The following DYRK4 variants were observed in gnomAD, a reference collection of about 807,000 sequenced individuals.
DYRK4 encodes the protein dual specificity tyrosine phosphorylation regulated kinase 4.
A neutral mutation model predicts 68.3 loss-of-function variants in DYRK4; 64 were observed. The ratio of observed to expected loss-of-function variants is 0.94; its 90% CI spans 0.77 to 1.15. The LOEUF is 1.15. Ranked by LOEUF, DYRK4 falls within the 50% of genes most tolerant of loss-of-function variation. The pLI is 0.00. For synonymous variants in DYRK4, 274 were observed against 289.9 expected, an observed-to-expected ratio of 0.95 and a Z score of 0.56; for missense variants, 740 against 764.7, an observed-to-expected ratio of 0.97 and a Z score of 0.38.
At chr12:4,585,667 T>C (rs1245229409) in intron 2 of DYRK4, among the ~76,000 whole-genome samples, 14 of 152,128 alleles carry the variant, frequency 9.2e-5, no homozygotes, top group African/African-American at 2.4e-5. Flanking sequence ...TTAGGAGATA[T>C]ACCTAATGTA....
intron 11 of DYRK4, 59 bp downstream of exon 11, chr12:4,605,145 G>C (rs12318978): frequency 3.7e-5 from 56 of 1,511,626 alleles, no homozygotes; most frequent in South Asian, 3.6e-4. Flanking sequence ...CCTCAGACAC[G>C]GGGCTGCACC....
chr12:4,566,967 T>C (rs528084208), intron 1 of DYRK4, among the ~76,000 whole-genome samples: 2 of 152,370 alleles, frequency 1.3e-5, no homozygotes, highest in Admixed American at 6.5e-5. Context: ...ATTACACACA[T>C]GTTCTACTGT....
At chr12:4,578,316 A>ATCTCTCTGTGCTGT (rs772934966) in intron 2 of DYRK4, among the ~76,000 whole-genome samples, 20,738 of 152,124 alleles carry the variant, frequency 0.14, 3,230 homozygotes, top group African/African-American at 0.38. Context: ...CTTTGAAGAA[A>ATCTCTCTGTGCTGT]TTGCTGGTTA....
At chr12:4,605,728 G>GTTT (rs780888385) in intron 11 of DYRK4, among the ~76,000 whole-genome samples, 8,293 of 68,324 alleles carry the variant, frequency 0.12, 598 homozygotes, top group South Asian at 0.18. Flanking sequence ...AATAGAGCTG[G>GTTT]GTTTTTTTTT....
At chr12:4,576,590 C>T (rs1219978474) in intron 2 of DYRK4, among the ~76,000 whole-genome samples, 1 of 152,304 alleles carries the variant, frequency 6.6e-6, no homozygotes, top group South Asian at 2.1e-4. Context: ...GAAACTGCTA[C>T]ACTGTCTTCC....
In DYRK4 at chr12:4,612,679, AAGG is replaced by A; in HGVS notation, c.1629_1631del (p.Lys543_Asp544delinsAsn). Reference sequence around the variant, plus strand: ...TTCCTTTTTCCCCTCTGAGACAAGGAAGGACAAGGTTCAAGGCTGTCATCACTC... The same window carrying A: ...TTCCTTTTTCCCCTCTGAGACAAGGAACAAGGTTCAAGGCTGTCATCACTC... On this transcript the variant is annotated inframe_deletion, in exon 14 of 15. Transcript: ENST00000543431. 6.2e-7 allele frequency: 1 copy of A among 1,614,184 alleles called. No individual in the cohort carries two copies. The highest frequency in any genetic ancestry group is 8.5e-7 in the Non-Finnish European group (1 of 1,180,016).
intron 2 of DYRK4, among the ~76,000 whole-genome samples, chr12:4,573,981 T>C (rs917259084): frequency 2.0e-5 from 3 of 152,052 alleles, no homozygotes; most frequent in African/African-American, 7.2e-5. Flanking sequence ...ATTCCAGCAC[T>C]TTGGGAGGCC....
Position 4,610,205 on chromosome 12 carries a change from T to C in DYRK4, c.1411T>C (p.Tyr471His). The C allele has an allele frequency of 1.9e-6, 3 of 1,603,008 alleles. No individual in the cohort carries two copies. The highest frequency in any genetic ancestry group is 2.6e-6 in the Non-Finnish European group (3 of 1,175,702). ...AACCAACAACAGGGGGAAAAAAAGA[T>C]ACCCAGATTCCAAGGACCTCACGAT... ...NITNNRGKKR[Y>H]PDSKDLTMVL... The change falls in exon 13 of 15, where the codon TAC (tyrosine) becomes CAC (histidine). Residue 471 changes from tyrosine (Y) to histidine (H), a missense_variant. By Grantham distance (83) the Tyr-to-His change is moderately conservative (BLOSUM62 2). Around this residue, in one of 3 missense-constraint regions of DYRK4, gnomAD observed 614 missense variants for 603.7 expected, o/e 1.02. Transcript: ENST00000543431.
chr12:4,604,145 A>C (rs1233707353), intron 10 of DYRK4, among the ~76,000 whole-genome samples: 1 of 152,240 alleles, frequency 6.6e-6, no homozygotes, highest in Non-Finnish European at 1.5e-5. Flanking sequence ...CGTGCCTGGC[A>C]CATACTAAAC....
In DYRK4 at chr12:4,590,319, T is replaced by A; in HGVS notation, c.214-11T>A. Reference sequence around the variant, plus strand: ...AGGCTTTTGTAACACATGCAATTTCTCCTTCTACAGAACACCAGTGTTACT... The same window carrying A: ...AGGCTTTTGTAACACATGCAATTTCACCTTCTACAGAACACCAGTGTTACT... On this transcript the variant is annotated splice_polypyrimidine_tract_variant and intron_variant, in intron 3 of 14. Transcript: ENST00000543431. 2.6e-6 allele frequency: 4 copies of A among 1,530,022 alleles called. No individual in the cohort carries two copies. The highest frequency in any genetic ancestry group is 2.6e-6 in the Non-Finnish European group (3 of 1,144,814). 94.8% of individuals were successfully genotyped at this position (1,530,022 alleles called of 1,614,324 possible).
chr12:4,599,264 C>CT, intron 9 of DYRK4, 98 bp downstream of exon 9: 13 of 827,626 alleles, frequency 1.6e-5, no homozygotes, highest in Non-Finnish European at 2.1e-5. Flanking sequence ...AAATAATTGC[C>CT]TTTGACTTTT....
intron 10 of DYRK4, among the ~76,000 whole-genome samples, chr12:4,601,482 A>G (rs17176321): frequency 0.033 from 5,079 of 152,352 alleles, 148 homozygotes; most frequent in Admixed American, 0.074. Context: ...TAATAAATTA[A>G]CGCTGTAATA....
At chr12:4,571,927 A>G (rs1944734304) in intron 2 of DYRK4, among the ~76,000 whole-genome samples, 1 of 152,224 alleles carries the variant, frequency 6.6e-6, no homozygotes, top group Non-Finnish European at 1.5e-5. Flanking sequence ...AGTGCCTCCC[A>G]CAGACTAGCA....
chr12:4,596,755 A>G (rs1191960568), intron 8 of DYRK4, 26 bp downstream of exon 8: 2 of 1,610,834 alleles, frequency 1.2e-6, no homozygotes, highest in Non-Finnish European at 1.7e-6. Flanking sequence ...TTCTTAACTC[A>G]TTTTCTCTGG....
chr12:4,599,270 C>CATT, intron 9 of DYRK4, 104 bp downstream of exon 9: 1 of 459,414 alleles, frequency 2.2e-6, no homozygotes. Context: ...TTGCCTTTGA[C>CATT]TTTTTTTTTT....
chr12:4,599,732 G>T lies in DYRK4; in HGVS notation c.1070G>T (p.Gly357Val). Residue 357 changes from glycine (G) to valine (V), a missense_variant, in exon 10 of 15, where the codon GGC becomes GTC. Coordinates refer to ENST00000543431, the MANE Select transcript of DYRK4 (RefSeq NM_001394779.1). ...GAAAATATAGTGCTATACCAAAAGG[G>T]CCAAGCCTCTGTTAAAGTCATTGAC... ...KPENIVLYQK[G>V]QASVKVIDFG... 6.2e-7 allele frequency: 1 copy of T among 1,613,970 alleles called. No individual in the cohort carries two copies.
chr12:4,582,394 A>C (rs1313862865), intron 2 of DYRK4, among the ~76,000 whole-genome samples: 1 of 152,236 alleles, frequency 6.6e-6, no homozygotes, highest in Non-Finnish European at 1.5e-5. Context: ...CGGTGAGCCG[A>C]GATGGCGCCA....
intron 2 of DYRK4, among the ~76,000 whole-genome samples, chr12:4,582,278 C>G (rs1944850376): frequency 6.6e-6 from 1 of 152,080 alleles, no homozygotes; most frequent in African/African-American, 2.4e-5. Flanking sequence ...AACCCCATCT[C>G]TACTAAAAAT....
intron 10 of DYRK4, chr12:4,602,109 T>C (rs1417114345): frequency 3.8e-6 from 2 of 523,296 alleles, no homozygotes; most frequent in Non-Finnish European, 7.0e-6. Context: ...ACTTCTTTCA[T>C]AGGCTGATAT....
Sources: gnomAD v4.1 joint callset for allele counts (sites outside exome capture counted in the v4.1 genomes callset) on GRCh38, gnomAD v4.1.1 for gene constraint, gnomAD v4.1.1 regional missense constraint, MANE v1.5 for transcripts, NCBI Gene and HGNC (gene_info 2026-07-23, HGNC 2026-07-21) for gene names.